STXBP5L: variants seen among roughly 807,000 people sequenced by gnomAD.
STXBP5L encodes syntaxin binding protein 5L, also known as syntaxin-binding protein 5-like.
STXBP5L carries 65 observed loss-of-function variants against 144.5 expected under a neutral mutation model. That is an observed-to-expected ratio of 0.45 (90% CI 0.37 to 0.55). The LOEUF (loss-of-function observed/expected upper bound fraction) is 0.55, where lower values mean the gene tolerates loss of function less well. Ranked by LOEUF, STXBP5L falls within the 20% of genes least tolerant of loss-of-function variation. STXBP5L has a pLI of 0.00. For synonymous variants in STXBP5L, 505 were observed against 469.6 expected (o/e 1.08, Z -0.97); for missense variants, 1,298 against 1,405.5 (o/e 0.92, Z 1.22).
At chr3:121,085,722 C>G (rs749389224) in intron 5 of STXBP5L, among the ~76,000 whole-genome samples, 23 of 152,102 alleles carry the variant, frequency 1.5e-4, no homozygotes, top group Non-Finnish European at 2.4e-4. Flanking sequence ...TAGGAAGGAT[C>G]AATATTATGA....
At chr3:121,317,307 G>T (rs536758040) in intron 19 of STXBP5L, among the ~76,000 whole-genome samples, 1 of 152,300 alleles carries the variant, frequency 6.6e-6, no homozygotes, top group South Asian at 2.1e-4. Flanking sequence ...AAAAATCTGA[G>T]TTCTGTGTCC....
At chr3:121,085,260 C>A (rs1047897832) in intron 5 of STXBP5L, among the ~76,000 whole-genome samples, 1 of 152,102 alleles carries the variant, frequency 6.6e-6, no homozygotes, top group African/African-American at 2.4e-5. Flanking sequence ...GTTGCAGTTG[C>A]AGTTGACGTT....
At chr3:120,963,320 G>C (rs947315205) in intron 3 of STXBP5L, among the ~76,000 whole-genome samples, 3 of 152,140 alleles carry the variant, frequency 2.0e-5, no homozygotes, top group Non-Finnish European at 4.4e-5. Context: ...ATGTTGAATA[G>C]GAATAGTGAG....
chr3:121,004,501 G>T (rs1415527843), intron 3 of STXBP5L, among the ~76,000 whole-genome samples: 1 of 151,644 alleles, frequency 6.6e-6, no homozygotes, highest in Non-Finnish European at 1.5e-5. Flanking sequence ...TGCAAACAGG[G>T]ACAATTTGAC....
chr3:121,381,921 T>C (rs182585926), intron 22 of STXBP5L, among the ~76,000 whole-genome samples: 52 of 152,240 alleles, frequency 3.4e-4, no homozygotes, highest in African/African-American at 1.2e-3. Flanking sequence ...GAACTCAGAA[T>C]AATTAAGCTA....
intron 3 of STXBP5L, among the ~76,000 whole-genome samples, chr3:120,991,199 A>T (rs1942827256): frequency 6.7e-6 from 1 of 150,372 alleles, no homozygotes; most frequent in Non-Finnish European, 1.5e-5. Flanking sequence ...TCAAAAGAAG[A>T]CATTTATGCA....
intron 3 of STXBP5L, among the ~76,000 whole-genome samples, chr3:121,030,911 G>C (rs1404917079): frequency 6.6e-6 from 1 of 152,058 alleles, no homozygotes; most frequent in Non-Finnish European, 1.5e-5. Context: ...ATGGATATTG[G>C]GTAACTTACT....
chr3:120,964,057 C>T (rs182637123), intron 3 of STXBP5L, among the ~76,000 whole-genome samples: 1 of 152,260 alleles, frequency 6.6e-6, no homozygotes, highest in African/African-American at 2.4e-5. Flanking sequence ...AGTTTATTTG[C>T]ATAGAGTTGT....
At chr3:121,023,902 C>T (rs1945737747) in intron 3 of STXBP5L, among the ~76,000 whole-genome samples, 1 of 151,978 alleles carries the variant, frequency 6.6e-6, no homozygotes, top group African/African-American at 2.4e-5. Flanking sequence ...ACTACAGGTG[C>T]CCACCACCAC....
rs549698434 is a variant in STXBP5L at position 121,414,153 on chromosome 3, T to C, written c.3114+830T>C. ...ACCATTGTCATTCTACAGATAATTA[T>C]TGAGTTTTTTTCTATATGCCTAATA... On this transcript the variant is annotated intron_variant, in intron 24 of 26. Transcript: ENST00000471454. 9.1e-4 allele frequency among the ~76,000 whole-genome samples: 51 copies of C among 55,764 alleles called. No homozygotes were observed. In the East Asian group the frequency reaches 0.045, roughly 49 times the overall value. The allele number at this position is 55,764 out of a possible 152,430, so 36.6% of individuals were successfully genotyped here. A position where few individuals can be genotyped will look rare whatever the true frequency, so the allele number is the denominator to read the frequency against.
At chr3:120,943,317 T>C (rs1259489733) in intron 2 of STXBP5L, among the ~76,000 whole-genome samples, 1 of 151,748 alleles carries the variant, frequency 6.6e-6, no homozygotes, top group Non-Finnish European at 1.5e-5. Context: ...AGAGACAACA[T>C]TTGCAAAGAC....
chr3:120,908,711 C>G (rs1428792853), intron 1 of STXBP5L, among the ~76,000 whole-genome samples: 3 of 151,708 alleles, frequency 2.0e-5, no homozygotes, highest in Non-Finnish European at 4.4e-5. Context: ...CACCGCTTCA[C>G]GTCCCCCGAG....
rs192912318 is a variant in STXBP5L at position 120,960,601 on chromosome 3, C to T, written c.287+5564C>T. On this transcript the variant is annotated intron_variant, in intron 3 of 26. Transcript: ENST00000471454. ...GCCATAAAGAAGGATGAGTTCATGTCCTTTGTAGGGACATGGATGAAGTTG... is the reference window on the plus strand; with the variant it reads ...GCCATAAAGAAGGATGAGTTCATGTTCTTTGTAGGGACATGGATGAAGTTG... Among the ~76,000 whole-genome samples the T allele has an allele frequency of 1.4e-3, 218 of 152,244 alleles. 1 individual carries two copies. Among genetic ancestry groups the T allele is most frequent in the South Asian group, 0.013 (63 of 4,810 alleles).
At chr3:121,052,009 C>A (rs1378993580) in intron 5 of STXBP5L, among the ~76,000 whole-genome samples, 1 of 152,196 alleles carries the variant, frequency 6.6e-6, no homozygotes, top group Non-Finnish European at 1.5e-5. Context: ...TGGACACATA[C>A]ACCCTCCCAA....
At chr3:120,963,071 C>G (rs1176778261) in intron 3 of STXBP5L, among the ~76,000 whole-genome samples, 4 of 152,106 alleles carry the variant, frequency 2.6e-5, no homozygotes, top group African/African-American at 9.7e-5. Flanking sequence ...ATTTGGCTCT[C>G]TGTTTGTCTG....
intron 7 of STXBP5L, among the ~76,000 whole-genome samples, chr3:121,145,879 G>A (rs1355464365): frequency 6.6e-6 from 1 of 152,016 alleles, no homozygotes; most frequent in Non-Finnish European, 1.5e-5. Context: ...TAGGCTGAGT[G>A]AAGAATATCT....
At chr3:121,279,674 C>T in intron 18 of STXBP5L, 131 bp from the exon 19 acceptor site, 1 of 1,038,096 alleles carries the variant, frequency 9.6e-7, no homozygotes, top group Non-Finnish European at 1.4e-6. Context: ...TCCTTCTTGA[C>T]TTTACACAAA....
chr3:120,999,139 T>C (rs1423402247), intron 3 of STXBP5L, among the ~76,000 whole-genome samples: 1 of 152,018 alleles, frequency 6.6e-6, no homozygotes, highest in Non-Finnish European at 1.5e-5. Context: ...TGCAACCTCT[T>C]CCTCCCGGGT....
rs929975144 is a variant in STXBP5L at position 120,961,925 on chromosome 3, C to T, written c.287+6888C>T. On this transcript the variant is annotated intron_variant, in intron 3 of 26. Coordinates refer to ENST00000471454, the MANE Select transcript of STXBP5L (RefSeq NM_001308330.2). Reference sequence around the variant, plus strand: ...TGCATTCCTATTTCTCCACATCCTCCCCAACATCTGTTGTTTCCTGACTTT... The same window carrying T: ...TGCATTCCTATTTCTCCACATCCTCTCCAACATCTGTTGTTTCCTGACTTT... Among the ~76,000 whole-genome samples, 10 of 152,042 alleles carry T rather than the reference C, an allele frequency of 6.6e-5. No homozygotes were observed. The South Asian group carries it at 1.7e-3, about 25-fold the overall frequency.
Sources: allele counts gnomAD v4.1 joint callset (sites outside exome capture counted in the v4.1 genomes callset), GRCh38; gene constraint gnomAD v4.1.1; transcripts MANE v1.5; gene names NCBI Gene and HGNC (gene_info 2026-07-23, HGNC 2026-07-21).